Variants in ASTN2 observed in about 807,000 individuals in gnomAD.
ASTN2 encodes astrotactin 2.
A neutral mutation model predicts 139.8 loss-of-function variants in ASTN2; 54 were observed. The observed-to-expected ratio is 0.39, with a 90% confidence interval of 0.31 to 0.48. The LOEUF is 0.48. ASTN2 is among the 20% of genes least tolerant of loss of function. ASTN2 has a pLI of 0.95. For synonymous variants in ASTN2, 756 were observed against 719.5 expected (o/e 1.05, Z -0.81); for missense variants, 1,565 against 1,725.1 (o/e 0.91, Z 1.64).
intron 13 of ASTN2, among the ~76,000 whole-genome samples, chr9:116,784,060 G>A (rs1253873657): frequency 1.3e-5 from 2 of 152,128 alleles, no homozygotes; most frequent in Non-Finnish European, 2.9e-5. Flanking sequence ...CATATAGTAT[G>A]AGACACAGTA....
intron 17 of ASTN2, among the ~76,000 whole-genome samples, chr9:116,628,569 A>C (rs185973586): frequency 1.1e-4 from 17 of 152,284 alleles, no homozygotes; most frequent in African/African-American, 3.8e-4. Context: ...TCCAGAGGTT[A>C]GGGAGAAGTG....
intron 11 of ASTN2, among the ~76,000 whole-genome samples, chr9:116,855,054 A>T (rs141602160): frequency 6.6e-6 from 1 of 152,232 alleles, no homozygotes; most frequent in East Asian, 1.9e-4. Context: ...ACAGATAATG[A>T]CTTCCACACA....
chr9:116,603,002 A>G (rs1031118469), intron 19 of ASTN2, among the ~76,000 whole-genome samples: 1 of 152,228 alleles, frequency 6.6e-6, no homozygotes, highest in African/African-American at 2.4e-5. Context: ...TGAAGAGTCC[A>G]GTTAACACTG....
chr9:116,698,890 G>T lies in ASTN2; in HGVS notation c.2806+26881C>A. 1 of 1,614,226 alleles carries T rather than the reference G, an allele frequency of 6.2e-7. No homozygotes were observed. Among genetic ancestry groups the T allele is most frequent in the Non-Finnish European group, 8.5e-7 (1 of 1,180,046 alleles). The stretch of plus-strand genomic sequence containing the variant: ...GTCAGTCTCTACGTGACCAGTCAAG[G>T]TGAAGTACTAGTCGCTGACCGTGGT... On this transcript the variant is annotated intron_variant, in intron 16 of 22. Transcript: ENST00000313400. The surrounding 1 kb of genome is among the most constrained non-coding windows in gnomAD (Gnocchi z 4.4).
intron 1 of ASTN2, among the ~76,000 whole-genome samples, chr9:117,322,292 T>C (rs924700218): frequency 7.2e-5 from 11 of 152,348 alleles, no homozygotes; most frequent in Non-Finnish European, 1.0e-4. Context: ...TCATTCATTT[T>C]CAAATTCTAG....
chr9:116,896,855 C>T (rs914408480), intron 10 of ASTN2, among the ~76,000 whole-genome samples: 1 of 152,202 alleles, frequency 6.6e-6, no homozygotes, highest in Admixed American at 6.5e-5. Context: ...GATCCAATCA[C>T]CTTCCTCCCT....
At chr9:117,397,679 G>T (rs180776046) in intron 1 of ASTN2, among the ~76,000 whole-genome samples, 1 of 152,132 alleles carries the variant, frequency 6.6e-6, no homozygotes, top group Non-Finnish European at 1.5e-5. Flanking sequence ...TTTACGGTGC[G>T]TCTATTACTT....
chr9:116,973,026 C>A (rs1002691415), intron 10 of ASTN2, among the ~76,000 whole-genome samples: 19 of 152,298 alleles, frequency 1.2e-4, no homozygotes, highest in African/African-American at 4.1e-4. Context: ...TGGGCAATGT[C>A]ATGTCAAACA....
intron 3 of ASTN2, among the ~76,000 whole-genome samples, chr9:117,173,787 TAAG>T: frequency 6.6e-6 from 1 of 151,760 alleles, no homozygotes; most frequent in Admixed American, 6.6e-5. Flanking sequence ...TCTAGGCATT[TAAG>T]AAGTTAAAAA....
At chr9:117,127,672 GTTTTTTTTT>G (rs11427891) in intron 4 of ASTN2, among the ~76,000 whole-genome samples, 1 of 70,898 alleles carries the variant, frequency 1.4e-5, no homozygotes, top group Non-Finnish European at 2.5e-5. Context: ...TTTTGTTTTG[GTTTTTTTTT>G]TTTTTTTTTT....
intron 3 of ASTN2, among the ~76,000 whole-genome samples, chr9:117,145,744 C>T (rs73657676): frequency 0.042 from 6,364 of 152,096 alleles, 426 homozygotes; most frequent in African/African-American, 0.14. Flanking sequence ...TCATTGAATT[C>T]TTTTTAAAAA....
At chr9:116,556,344 A>G (rs1354722960) in intron 19 of ASTN2, among the ~76,000 whole-genome samples, 1 of 152,176 alleles carries the variant, frequency 6.6e-6, no homozygotes, top group Non-Finnish European at 1.5e-5. Flanking sequence ...GCTCTTTAAA[A>G]GTGCCCAGAG....
At chr9:117,338,682 G>A (rs1485905168) in intron 1 of ASTN2, among the ~76,000 whole-genome samples, 1 of 152,106 alleles carries the variant, frequency 6.6e-6, no homozygotes, top group Non-Finnish European at 1.5e-5. Flanking sequence ...GCTTTTTAAT[G>A]GCTTTGGTAG....
intron 2 of ASTN2, among the ~76,000 whole-genome samples, chr9:117,225,535 G>GTATGTATATATATATATA (rs369914209): frequency 3.1e-5 from 2 of 63,932 alleles, no homozygotes; most frequent in African/African-American, 4.4e-5. Flanking sequence ...CAAGCTGTAT[G>GTATGTATATATATATATA]TATATATATA....
chr9:117,301,415 G>C (rs1834872198), intron 1 of ASTN2, among the ~76,000 whole-genome samples: 1 of 152,128 alleles, frequency 6.6e-6, no homozygotes. Context: ...CAGGCTAAGG[G>C]CTTTCATTCA....
At chr9:116,821,528 T>C (rs1010905245) in intron 11 of ASTN2, among the ~76,000 whole-genome samples, 2 of 152,128 alleles carry the variant, frequency 1.3e-5, no homozygotes, top group African/African-American at 4.8e-5. Context: ...TCCTAGCCAG[T>C]CTGCTGGACT....
chr9:116,888,375 T>C (rs777357114), intron 10 of ASTN2, among the ~76,000 whole-genome samples: 80 of 152,338 alleles, frequency 5.3e-4, no homozygotes, highest in Non-Finnish European at 9.8e-4. Context: ...TGTTTTCTGG[T>C]GGATCTTCTG....
At chr9:116,771,094 A>G (rs1343814938) in intron 13 of ASTN2, among the ~76,000 whole-genome samples, 1 of 152,178 alleles carries the variant, frequency 6.6e-6, no homozygotes, top group Non-Finnish European at 1.5e-5. Context: ...TCCTTGCCTA[A>G]CAACCATTTA....
At chr9:116,830,187 T>G (rs934354335) in intron 11 of ASTN2, among the ~76,000 whole-genome samples, 2 of 152,170 alleles carry the variant, frequency 1.3e-5, no homozygotes, top group Non-Finnish European at 2.9e-5. Flanking sequence ...AAACAGACAC[T>G]TCTTAAAAGA....
Sources: gnomAD v4.1 joint callset for allele counts (sites outside exome capture counted in the v4.1 genomes callset) on GRCh38, gnomAD v4.1.1 for gene constraint, Gnocchi (gnomAD v3.1) non-coding constraint, MANE v1.5 for transcripts, NCBI Gene and HGNC (gene_info 2026-07-23, HGNC 2026-07-21) for gene names.